The following SLC35F1 variants were observed in gnomAD, a reference collection of about 807,000 sequenced individuals.
SLC35F1 encodes solute carrier family 35 member F1, also known as chromosome 6 open reading frame 169.
A neutral mutation model predicts 48.7 loss-of-function variants in SLC35F1; 14 were observed. The observed-to-expected ratio is 0.29, with a 90% CI of 0.19 to 0.45. SLC35F1 has a LOEUF of 0.45. Among genes scored for constraint, SLC35F1 ranks in the 20% least tolerant of loss-of-function variants. The probability of loss-of-function intolerance (pLI) is 1.00; values close to 1 mark genes in which losing one functional copy is unlikely to be tolerated. For missense variants in SLC35F1, 404 were observed against 500.0 expected (o/e 0.81, Z 1.83); for synonymous variants, 190 against 202.2 (o/e 0.94, Z 0.51).
intron 1 of SLC35F1, among the ~76,000 whole-genome samples, chr6:118,059,859 A>G (rs573332563): frequency 6.6e-6 from 1 of 152,312 alleles, no homozygotes; most frequent in Non-Finnish European, 1.5e-5. Context: ...TGAAAGATCT[A>G]CTACTGATCT....
At chr6:118,286,837 C>A (rs1776057292) in intron 7 of SLC35F1, among the ~76,000 whole-genome samples, 1 of 150,808 alleles carries the variant, frequency 6.6e-6, no homozygotes, top group African/African-American at 2.4e-5. Flanking sequence ...TACTTAAGAT[C>A]TACTTCCTTC....
At chr6:117,968,285 C>G (rs1373135258) in intron 1 of SLC35F1, among the ~76,000 whole-genome samples, 2 of 152,150 alleles carry the variant, frequency 1.3e-5, no homozygotes, top group African/African-American at 2.4e-5. Flanking sequence ...TCACTGAGAA[C>G]AGCTTTCCAT....
intron 2 of SLC35F1, among the ~76,000 whole-genome samples, chr6:118,209,798 T>C (rs1195269383): frequency 6.6e-6 from 1 of 152,174 alleles, no homozygotes; most frequent in African/African-American, 2.4e-5. Flanking sequence ...TATGTGTCCC[T>C]GGTGCTGTGA....
intron 7 of SLC35F1, among the ~76,000 whole-genome samples, chr6:118,305,118 A>C (rs1776298079): frequency 7.0e-6 from 1 of 142,556 alleles, no homozygotes; most frequent in African/African-American, 2.7e-5. Flanking sequence ...AGATTGATTG[A>C]TTTTAAGGAA....
chr6:117,943,235 G>C (rs768722205), intron 1 of SLC35F1, among the ~76,000 whole-genome samples: 4 of 152,132 alleles, frequency 2.6e-5, no homozygotes, highest in Admixed American at 6.5e-5. Context: ...GACCAGACCT[G>C]TGGAGGTAAC....
At chr6:118,102,442 C>T (rs1341582385) in intron 1 of SLC35F1, among the ~76,000 whole-genome samples, 2 of 152,156 alleles carry the variant, frequency 1.3e-5, no homozygotes, top group African/African-American at 4.8e-5. Flanking sequence ...CCTTGGACTC[C>T]TTGGCTGGGA....
At chr6:118,037,322 C>G (rs1181761413) in intron 1 of SLC35F1, among the ~76,000 whole-genome samples, 1 of 152,144 alleles carries the variant, frequency 6.6e-6, no homozygotes, top group Non-Finnish European at 1.5e-5. Context: ...GTTTAGACCA[C>G]TATCATTAAC....
intron 4 of SLC35F1, among the ~76,000 whole-genome samples, chr6:118,274,536 T>TA (rs1415434913): frequency 6.6e-6 from 1 of 152,082 alleles, no homozygotes; most frequent in Non-Finnish European, 1.5e-5. Context: ...TAGCTGGGAT[T>TA]ACAGGCACCC....
chr6:118,185,484 C>T (rs1033876950), intron 2 of SLC35F1, among the ~76,000 whole-genome samples: 1 of 152,094 alleles, frequency 6.6e-6, no homozygotes, highest in Non-Finnish European at 1.5e-5. Context: ...CAGTATCTAG[C>T]CACGAAATCA....
chr6:118,138,065 T>A (rs891212926), intron 1 of SLC35F1, among the ~76,000 whole-genome samples: 1 of 151,988 alleles, frequency 6.6e-6, no homozygotes, highest in Non-Finnish European at 1.5e-5. Context: ...ACCCAGGACT[T>A]TGGGAGGCCA....
chr6:118,112,383 C>T (rs1199974145), intron 1 of SLC35F1, among the ~76,000 whole-genome samples: 1 of 152,100 alleles, frequency 6.6e-6, no homozygotes, highest in African/African-American at 2.4e-5. Context: ...TACATCTCCC[C>T]ATGATCTTTT....
chr6:118,246,438 A>G (rs1775508076), intron 3 of SLC35F1, among the ~76,000 whole-genome samples: 3 of 152,192 alleles, frequency 2.0e-5, no homozygotes, highest in African/African-American at 7.2e-5. Flanking sequence ...ATGCAGTGTG[A>G]AATATAGTAA....
chr6:118,211,770 C>T (rs1187913035), intron 2 of SLC35F1, among the ~76,000 whole-genome samples: 1 of 152,184 alleles, frequency 6.6e-6, no homozygotes, highest in East Asian at 1.9e-4. Flanking sequence ...CTGACCTTAG[C>T]CAGAATTGTA....
At chr6:118,005,756 T>G (rs1446941113) in intron 1 of SLC35F1, among the ~76,000 whole-genome samples, 2 of 152,194 alleles carry the variant, frequency 1.3e-5, no homozygotes, top group African/African-American at 4.8e-5. Flanking sequence ...TCCAAGTCCA[T>G]GATCTAGCAC....
intron 1 of SLC35F1, among the ~76,000 whole-genome samples, chr6:118,062,976 T>A (rs1331439578): frequency 2.0e-5 from 3 of 152,102 alleles, no homozygotes; most frequent in Admixed American, 2.0e-4. Flanking sequence ...AATACTGGAA[T>A]TTTGGGGGTA....
intron 2 of SLC35F1, among the ~76,000 whole-genome samples, chr6:118,186,626 T>A (rs573272699): frequency 1.1e-4 from 16 of 152,340 alleles, no homozygotes; most frequent in Non-Finnish European, 1.8e-4. Flanking sequence ...AACAAATACA[T>A]AGTGGTTCAA....
At chr6:118,238,142 GT>G (rs1362563383) in intron 3 of SLC35F1, among the ~76,000 whole-genome samples, 1 of 151,988 alleles carries the variant, frequency 6.6e-6, no homozygotes, top group African/African-American at 2.4e-5. Flanking sequence ...CATTTTTAAA[GT>G]TAATACCCTG....
intron 1 of SLC35F1, among the ~76,000 whole-genome samples, chr6:118,018,535 A>G (rs1777353038): frequency 2.0e-5 from 3 of 152,080 alleles, no homozygotes; most frequent in Non-Finnish European, 4.4e-5. Flanking sequence ...TGTTATTATT[A>G]TTATTGTTGT....
chr6:118,298,349 C>T (rs1776217019), intron 7 of SLC35F1, among the ~76,000 whole-genome samples: 1 of 152,064 alleles, frequency 6.6e-6, no homozygotes, highest in African/African-American at 2.4e-5. Context: ...TCTTTGACAA[C>T]ATCTCTAATG....
Sources: gnomAD v4.1 joint callset for allele counts (sites outside exome capture counted in the v4.1 genomes callset) on GRCh38, gnomAD v4.1.1 for gene constraint, MANE v1.5 for transcripts, NCBI Gene and HGNC (gene_info 2026-07-23, HGNC 2026-07-21) for gene names.